WIZ: variants seen among roughly 807,000 people sequenced by gnomAD.
The protein encoded by WIZ is WIZ zinc finger.
WIZ carries 25 observed loss-of-function variants against 140.2 expected under a neutral mutation model. The ratio of observed to expected loss-of-function variants is 0.18; its 90% CI spans 0.13 to 0.25. WIZ has a LOEUF of 0.25. Among genes scored for constraint, WIZ ranks in the 10% least tolerant of loss-of-function variants. The pLI is 1.00. For synonymous variants in WIZ, 1,125 were observed against 1,154.3 expected (o/e 0.97, Z 0.51); for missense variants, 2,231 against 2,632.6 (o/e 0.85, Z 3.34).
rs114749724 is a variant in WIZ, at chr19:15,429,135, T to G, written c.3415+451A>C. 4.6e-3 allele frequency among the ~76,000 whole-genome samples: 695 copies of G among 152,060 alleles called. 6 individuals carry two copies. The highest frequency in any genetic ancestry group is 0.016 in the African/African-American group (661 of 41,476). ...GCAGGCGCAGAGAGCTGCCTCTGCG[T>G]GGTGGACAGCCAGGAAGACTTGATG... is the stretch of plus-strand genomic sequence containing the variant. On this transcript the variant is annotated intron_variant, in intron 7 of 12. Transcript: ENST00000673675.
chr19:15,440,017 T>C lies in WIZ; in HGVS notation c.977A>G (p.Gln326Arg), dbSNP rs757913593. The C allele has an allele frequency of 9.4e-5, 145 of 1,535,694 alleles. No homozygotes were observed. Among genetic ancestry groups the C allele is most frequent in the Non-Finnish European group, 1.2e-4 (137 of 1,146,798 alleles). ...PCIECSIYFK[Q>R]KEHLLEHMSQ... ...CATGTGCTCCAGGAGGTGCTCCTTC[T>C]GCTTGAAGTAGATGCTGCACTCGAT... Residue 326 changes from glutamine (Q) to arginine (R), a missense_variant, in exon 4 of 13, where the codon CAG (glutamine) becomes CGG (arginine). This residue lies in a region of WIZ where 6 missense variants were observed against 19.8 expected (regional missense o/e 0.30). Coordinates refer to ENST00000673675, the MANE Select transcript of WIZ (RefSeq NM_001371589.1). This position sits in a 1 kb window ranked among gnomAD's most constrained non-coding sequence, Gnocchi z 6.2.
At chr19:15,432,975 C>T (rs1969367572) in intron 5 of WIZ, among the ~76,000 whole-genome samples, 2 of 152,090 alleles carry the variant, frequency 1.3e-5, no homozygotes, top group South Asian at 4.1e-4. Flanking sequence ...GGCCTCTAAC[C>T]GCCGCCCCAG....
chr19:15,438,167 G>A (rs943476489), intron 4 of WIZ, among the ~76,000 whole-genome samples: 20 of 152,182 alleles, frequency 1.3e-4, no homozygotes, highest in African/African-American at 4.8e-4. Context: ...GGCAGCCCCA[G>A]GGGGTTCTGA....
chr19:15,437,210 AC>A (rs1281845897), intron 4 of WIZ, 81 bp from the exon 5 acceptor site: 2 of 1,324,966 alleles, frequency 1.5e-6, no homozygotes, highest in African/African-American at 3.0e-5. Context: ...TCAGGGCTTC[AC>A]CCTGGACTGC....
chr19:15,421,996 G>C lies in WIZ; in HGVS notation c.*1080C>G, dbSNP rs973771254. ...CTGGAAAACCCAGGGCCTCCATGGCGCTCTGGACAGAGGAGGCCCCGATCC... is the reference window on the plus strand; with the variant it reads ...CTGGAAAACCCAGGGCCTCCATGGCCCTCTGGACAGAGGAGGCCCCGATCC... On this transcript the variant is annotated 3_prime_UTR_variant, in exon 13 of 13. Transcript: ENST00000673675. 8 of 152,226 alleles carry C rather than the reference G, an allele frequency of 5.3e-5. No homozygotes were observed. Among genetic ancestry groups the C allele is most frequent in the African/African-American group, 1.7e-4 (7 of 41,462 alleles). The allele number at this position is 152,226 out of a possible 1,614,324, so 9.4% of individuals were successfully genotyped here.
At chr19:15,449,636 C>A (rs898001998) in intron 1 of WIZ, 162 bp downstream of exon 1, 1 of 149,772 alleles carries the variant, frequency 6.7e-6, no homozygotes, top group Non-Finnish European at 1.5e-5. Flanking sequence ...CGCCCCTCCC[C>A]CCACCTGCAC....
At chr19:15,443,269 G>A (rs998936150) in intron 2 of WIZ, among the ~76,000 whole-genome samples, 3 of 152,104 alleles carry the variant, frequency 2.0e-5, no homozygotes, top group Admixed American at 6.5e-5. Context: ...ACGGCGTTTC[G>A]CCATGTTGGC....
At chr19:15,444,137 G>A (rs1568314751) in intron 2 of WIZ, among the ~76,000 whole-genome samples, 1 of 152,198 alleles carries the variant, frequency 6.6e-6, no homozygotes, top group Non-Finnish European at 1.5e-5. Context: ...TCAATTTGAG[G>A]ATGGTCCAGA....
chr19:15,439,357 C>G lies in WIZ; in HGVS notation c.1637G>C (p.Ser546Thr), dbSNP rs2145363120. The G allele has an allele frequency of 2.0e-6, 3 of 1,535,048 alleles. No individual in the cohort carries two copies. The highest frequency in any genetic ancestry group is 2.6e-6 in the Non-Finnish European group (3 of 1,146,302). ...WRENPAGYDPSLAFGPGCQQL... is the reference protein window; with the variant it reads ...WRENPAGYDPTLAFGPGCQQL... The stretch of plus-strand genomic sequence containing the variant: ...CTGGCATCCTGGGCCAAAGGCCAGG[C>G]TGGGGTCGTATCCAGCAGGGTTCTC... The change falls in exon 4 of 13, where the codon AGC (serine) becomes ACC (threonine). Residue 546 changes from serine (S) to threonine (T), a missense_variant. Around this residue, in one of 15 missense-constraint regions of WIZ, gnomAD observed 475 missense variants for 520.2 expected, o/e 0.91. Transcript: ENST00000673675. This position sits in a 1 kb window ranked among gnomAD's most constrained non-coding sequence, Gnocchi z 7.0.
chr19:15,439,531 G>A lies in WIZ; in HGVS notation c.1463C>T (p.Ala488Val). Reference protein sequence around the residue: ...LLREHVRLVHAHPHWEEDGEA... With the variant: ...LLREHVRLVHVHPHWEEDGEA... ...GCCATCCTCCTCCCAGTGGGGATGG[G>A]CATGCACCAGCCTCACGTGCTCCCT... The change falls in exon 4 of 13, where the codon GCC (alanine) becomes GTC (valine). Residue 488 changes from alanine (A) to valine (V), a missense_variant. Coordinates refer to ENST00000673675, the MANE Select transcript of WIZ (RefSeq NM_001371589.1). The surrounding 1 kb of genome is among the most constrained non-coding windows in gnomAD (Gnocchi z 7.0). The A allele has an allele frequency of 6.5e-7, 1 of 1,528,394 alleles. No individual in the cohort carries two copies. Among genetic ancestry groups the A allele is most frequent in the Non-Finnish European group, 8.8e-7 (1 of 1,142,592 alleles). The allele number at this position is 1,528,394 out of a possible 1,614,324, so 94.7% of individuals were successfully genotyped here.
chr19:15,447,177 G>T lies in WIZ; in HGVS notation c.205+926C>A, dbSNP rs193236775. 3.6e-3 allele frequency among the ~76,000 whole-genome samples: 546 copies of T among 152,096 alleles called. 2 individuals are homozygous for T. Among genetic ancestry groups the T allele is most frequent in the Non-Finnish European group, 5.8e-3 (391 of 67,998 alleles). On this transcript the variant is annotated intron_variant, in intron 2 of 12. Transcript: ENST00000673675. ...TGATGAGGTGTTTGGAGATGGGGGT[G>T]GGGGGTGTGATACATCAGCCCACTG... is the stretch of plus-strand genomic sequence containing the variant.
At position 15,429,950 on chromosome 19, in the gene WIZ, G is replaced by A. The variant is rs1443880803; in HGVS notation, c.3051C>T (p.Tyr1017=). 7.2e-6 allele frequency: 11 copies of A among 1,536,024 alleles called. No homozygotes were observed. Among genetic ancestry groups the A allele is most frequent in the East Asian group, 4.9e-5 (2 of 40,896 alleles). ...GCAGACCCTTCTGCTTCACAAGCTC[G>A]TAGAGGAGGTCGATGGGTGCGCCGC... ...ESSGAPIDLL[Y]ELVKQKGLPD... The change falls in exon 7 of 13, where the codon TAC becomes TAT. Residue 1017 remains tyrosine (Y), a synonymous_variant. Coordinates refer to ENST00000673675, the MANE Select transcript of WIZ (RefSeq NM_001371589.1).
chr19:15,440,594 C>A lies in WIZ; in HGVS notation c.400G>T (p.Gly134Trp), dbSNP rs767669271. 15 of 1,536,008 alleles carry A rather than the reference C, an allele frequency of 9.8e-6. No individual in the cohort carries two copies. In the South Asian group the frequency reaches 1.2e-4, roughly 12 times the overall value. The stretch of plus-strand genomic sequence containing the variant: ...CTCCGCTCAGATAGGATGCCCTCCC[C>A]AGCCTCCTGGACAAGGGGGTGCTCC... ...PWEHPLVQEA[G>W]EGILSERRFE... Residue 134 changes from glycine (G) to tryptophan (W), a missense_variant, in exon 4 of 13, where the codon GGG becomes TGG. This residue lies in a region of WIZ where 307 missense variants were observed against 294.1 expected (regional missense o/e 1.04). Transcript: ENST00000673675. The surrounding 1 kb of genome is among the most constrained non-coding windows in gnomAD (Gnocchi z 6.2).
chr19:15,426,527 A>G (rs756765388), intron 9 of WIZ, among the ~76,000 whole-genome samples: 8 of 152,342 alleles, frequency 5.3e-5, no homozygotes, highest in Non-Finnish European at 7.4e-5. Flanking sequence ...AAGGTCACAT[A>G]AAGCTAGACT....
In WIZ at chr19:15,427,390, C is replaced by T. The variant is rs537210516; in HGVS notation, c.3958G>A (p.Asp1320Asn). ...CTCTTCAGGATCTCCCGCAGCGTGT[C>T]GATGGGCGAGCCATTGACGTACCAC... ...TEWYVNGSPI[D>N]TLREILKRRT... The change falls in exon 9 of 13, where the codon GAC (aspartate) becomes AAC (asparagine). Residue 1320 changes from aspartate to asparagine, a missense_variant. By Grantham distance (23) the Asp-to-Asn change is conservative (BLOSUM62 1). Transcript: ENST00000673675. The surrounding 1 kb of genome is among the most constrained non-coding windows in gnomAD (Gnocchi z 6.4). The T allele has an allele frequency of 1.1e-5, 17 of 1,613,502 alleles. No individual in the cohort carries two copies. Among genetic ancestry groups the T allele is most frequent in the South Asian group, 1.1e-5 (1 of 91,076 alleles).
rs757382976 is a variant in WIZ at position 15,425,756 on chromosome 19, T to A, written c.4379A>T (p.Glu1460Val). The A allele has an allele frequency of 6.3e-7, 1 of 1,585,104 alleles. No homozygotes were observed. Among genetic ancestry groups the A allele is most frequent in the Non-Finnish European group, 8.6e-7 (1 of 1,166,174 alleles). ...MTPLNLSSRA[E>V]PVRDIRCEFC... is the part of the protein sequence containing the mutation. Reference sequence around the variant, plus strand: ...CTCACAGCGGATGTCGCGCACCGGCTCTGCCCGGGACGCTGCAGGGGATCC... The same window carrying A: ...CTCACAGCGGATGTCGCGCACCGGCACTGCCCGGGACGCTGCAGGGGATCC... The change falls in exon 10 of 13, where the codon GAG becomes GTG. Residue 1460 changes from glutamate (E) to valine (V), a missense_variant. Transcript: ENST00000673675.
Position 15,425,836 on chromosome 19 carries a change from GGGAGGAGGAGGAGGGAGGAGGGAGGAGGA to G in WIZ, c.4367-97_4367-69del, listed in dbSNP as rs1568290304. On this transcript the variant is annotated intron_variant, in intron 9 of 12. Coordinates refer to ENST00000673675, the MANE Select transcript of WIZ (RefSeq NM_001371589.1). ...GAGGAGGGAGGAGGAGGGAGGAGGA[GGGAGGAGGAGGAGGGAGGAGGGAGGAGGA>G]GGAGGAGGAGGAGGAGGAGGAGGAG... 1.8e-3 allele frequency: 95 copies of G among 53,862 alleles called. 22 individuals are homozygous for G. In the African/African-American group the frequency reaches 0.02, roughly 11 times the overall value. 3.3% of individuals were successfully genotyped at this position (53,862 alleles called of 1,614,324 possible). A position where few individuals can be genotyped will look rare whatever the true frequency, so the allele number is the denominator to read the frequency against.
In WIZ at chr19:15,427,604, G is replaced by A. The variant is rs1599662413; in HGVS notation, c.3815-71C>T. 1.3e-6 allele frequency: 2 copies of A among 1,506,220 alleles called. No individual in the cohort carries two copies. The highest frequency in any genetic ancestry group is 2.4e-5 in the East Asian group (1 of 42,468). 93.3% of individuals were successfully genotyped at this position (1,506,220 alleles called of 1,614,324 possible). ...GCATGGTCACCTGCAGGAGTGTCCT[G>A]GTCGGCTGGGCGTGGGCGGCAGCAG... On this transcript the variant is annotated intron_variant, in intron 8 of 12. Coordinates refer to ENST00000673675, the MANE Select transcript of WIZ (RefSeq NM_001371589.1). This position sits in a 1 kb window ranked among gnomAD's most constrained non-coding sequence, Gnocchi z 6.4.
At position 15,439,683 on chromosome 19, in the gene WIZ, T is replaced by G. The variant is rs1180078867; in HGVS notation, c.1311A>C (p.Gly437=). 1 of 1,501,354 alleles carries G rather than the reference T, an allele frequency of 6.7e-7. No individual in the cohort carries two copies. The highest frequency in any genetic ancestry group is 1.3e-5 in the South Asian group (1 of 79,756). The allele number at this position is 1,501,354 out of a possible 1,614,324, so 93.0% of individuals were successfully genotyped here. The change falls in exon 4 of 13, where the codon GGA becomes GGC. Residue 437 remains glycine (G), a synonymous_variant. Transcript: ENST00000673675. This position sits in a 1 kb window ranked among gnomAD's most constrained non-coding sequence, Gnocchi z 7.0. ...PPGQTTKEPF[G]GSSGAGSPSP... ...TGGGGCTGCCAGCCCCGCTGCTGCC[T>G]CCAAAAGGCTCTTTGGTGGTCTGGC... is the stretch of plus-strand genomic sequence containing the variant.
Sources: allele counts gnomAD v4.1 joint callset (sites outside exome capture counted in the v4.1 genomes callset), GRCh38; gene constraint gnomAD v4.1.1; regional missense constraint gnomAD v4.1.1; non-coding constraint Gnocchi (gnomAD v3.1); transcripts MANE v1.5; gene names NCBI Gene and HGNC (gene_info 2026-07-23, HGNC 2026-07-21).